DCAF7: variants seen among roughly 807,000 people sequenced by gnomAD.
The protein encoded by DCAF7 is DDB1- and CUL4-associated factor 7.
A neutral mutation model predicts 41.2 loss-of-function variants in DCAF7; 4 were observed. That is an observed-to-expected ratio of 0.10 (90% CI 0.05 to 0.22). The LOEUF (loss-of-function observed/expected upper bound fraction) is 0.22. Ranked by LOEUF, DCAF7 falls within the 10% of genes least tolerant of loss-of-function variation. The pLI is 1.00. For missense variants in DCAF7, 131 were observed against 443.2 expected (o/e 0.30, Z 6.32); for synonymous variants, 143 against 164.2 (o/e 0.87, Z 0.99).
chr17:63,582,826 G>A (rs2033638677), intron 4 of DCAF7, among the ~76,000 whole-genome samples: 1 of 152,166 alleles, frequency 6.6e-6, no homozygotes, highest in Non-Finnish European at 1.5e-5. Context: ...AGACGTTAGT[G>A]ATATGCAATG....
rs3817183 is a variant in DCAF7, at chr17:63,579,535, C to T, written c.409+87C>T. ...TCACACTGGGCCATACATCCTAGAACAAGGCTCAGTGGGAAGTAGGCTAGG... is the reference window on the plus strand; with the variant it reads ...TCACACTGGGCCATACATCCTAGAATAAGGCTCAGTGGGAAGTAGGCTAGG... On this transcript the variant is annotated intron_variant, in intron 3 of 6. Coordinates refer to ENST00000614556, the MANE Select transcript of DCAF7 (RefSeq NM_005828.5). The T allele has an allele frequency of 5.6e-4, 559 of 1,003,708 alleles. 6 individuals are homozygous for T. The East Asian group carries it at 0.014, about 25-fold the overall frequency. The allele number at this position is 1,003,708 out of a possible 1,614,324, so 62.2% of individuals were successfully genotyped here.
At position 63,565,349 on chromosome 17, in the gene DCAF7, C is replaced by T. The variant is rs145413377; in HGVS notation, c.139-13121C>T. Among the ~76,000 whole-genome samples the T allele has an allele frequency of 3.8e-4, 57 of 151,992 alleles. 1 individual carries two copies. Among genetic ancestry groups the T allele is most frequent in the Non-Finnish European group, 3.7e-4 (25 of 67,952 alleles). ...CAGCACTTTGGGAGGCTGAGGTGGGCGGATCACCTGGGGTTGGGAGTTGGA... is the reference window on the plus strand; with the variant it reads ...CAGCACTTTGGGAGGCTGAGGTGGGTGGATCACCTGGGGTTGGGAGTTGGA... On this transcript the variant is annotated intron_variant, in intron 1 of 6. Transcript: ENST00000614556.
intron 1 of DCAF7, among the ~76,000 whole-genome samples, chr17:63,561,199 A>G (rs1390405606): frequency 1.3e-5 from 2 of 152,178 alleles, no homozygotes; most frequent in Admixed American, 6.5e-5. Context: ...CGGGAGGCGG[A>G]GGTTGCAGTG....
chr17:63,587,342 CA>C lies in DCAF7; in HGVS notation c.857-1657del, dbSNP rs1462100757. ...TATTGCCCTCTTTTTTTTTTTTTCC[CA>C]GGGGTGTGGATAGGGAGGGATAGAA... is the stretch of plus-strand genomic sequence containing the variant. On this transcript the variant is annotated intron_variant, in intron 6 of 6. Coordinates refer to ENST00000614556, the MANE Select transcript of DCAF7 (RefSeq NM_005828.5). 4.6e-3 allele frequency among the ~76,000 whole-genome samples: 690 copies of C among 150,072 alleles called. 3 individuals are homozygous for C. Among genetic ancestry groups the C allele is most frequent in the African/African-American group, 0.016 (645 of 40,760 alleles).
At chr17:63,560,426 C>CTACCT (rs1222626299) in intron 1 of DCAF7, among the ~76,000 whole-genome samples, 1 of 152,140 alleles carries the variant, frequency 6.6e-6, no homozygotes, top group Admixed American at 6.5e-5. Context: ...ATAAATTATG[C>CTACCT]TACCTCCATG....
At chr17:63,572,463 A>G (rs1243573141) in intron 1 of DCAF7, among the ~76,000 whole-genome samples, 1 of 152,184 alleles carries the variant, frequency 6.6e-6, no homozygotes, top group Non-Finnish European at 1.5e-5. Context: ...ATATAAGGTA[A>G]GTTAGGGCTG....
chr17:63,588,281 G>T (rs1245829023), intron 6 of DCAF7, among the ~76,000 whole-genome samples: 1 of 146,108 alleles, frequency 6.8e-6, no homozygotes, highest in Non-Finnish European at 1.5e-5. Context: ...TCTGCCTCCC[G>T]AGTTAAAGCG....
At chr17:63,586,607 C>G (rs903149211) in intron 6 of DCAF7, among the ~76,000 whole-genome samples, 1 of 151,348 alleles carries the variant, frequency 6.6e-6, no homozygotes, top group African/African-American at 2.4e-5. Context: ...CTACTAAATA[C>G]AAAAATTAGC....
At chr17:63,583,298 T>C (rs1011548576) in intron 4 of DCAF7, among the ~76,000 whole-genome samples, 11 of 152,226 alleles carry the variant, frequency 7.2e-5, no homozygotes, top group Non-Finnish European at 4.4e-5. Flanking sequence ...AGCCAATTTC[T>C]ATAGCAGAAT....
intron 1 of DCAF7, among the ~76,000 whole-genome samples, chr17:63,560,102 A>T (rs2033364852): frequency 6.6e-6 from 1 of 152,156 alleles, no homozygotes; most frequent in Non-Finnish European, 1.5e-5. Context: ...CAGAAAGGAT[A>T]TGTAAATGAT....
At chr17:63,560,875 T>C (rs2147761772) in intron 1 of DCAF7, among the ~76,000 whole-genome samples, 1 of 152,366 alleles carries the variant, frequency 6.6e-6, no homozygotes, top group South Asian at 2.1e-4. Flanking sequence ...TCAGGCATGA[T>C]AATATTAACA....
intron 6 of DCAF7, among the ~76,000 whole-genome samples, chr17:63,585,615 T>C (rs2033668672): frequency 1.3e-5 from 2 of 152,246 alleles, no homozygotes. Context: ...CACAGAGGAC[T>C]CAATTCCAGG....
At position 63,579,387 on chromosome 17, in the gene DCAF7, C is replaced by T; in HGVS notation, c.348C>T (p.Asn116=). 1 of 1,610,320 alleles carries T rather than the reference C, an allele frequency of 6.2e-7. No homozygotes were observed. The highest frequency in any genetic ancestry group is 8.5e-7 in the Non-Finnish European group (1 of 1,178,322). Reference sequence around the variant, plus strand: ...AGTGTTTGCTAAACAATAATAAGAACTCTGATTTCTGTGCTCCCCTGACCT... The same window carrying T: ...AGTGTTTGCTAAACAATAATAAGAATTCTGATTTCTGTGCTCCCCTGACCT... ...RLECLLNNNK[N]SDFCAPLTSF... The change falls in exon 3 of 7, where the codon AAC becomes AAT. Residue 116 remains asparagine (N), a synonymous_variant. Coordinates refer to ENST00000614556, the MANE Select transcript of DCAF7 (RefSeq NM_005828.5).
chr17:63,572,791 C>T (rs913187063), intron 1 of DCAF7, among the ~76,000 whole-genome samples: 3 of 152,160 alleles, frequency 2.0e-5, no homozygotes. Flanking sequence ...GAGACAAGGC[C>T]TCGCTCTGTT....
At position 63,592,491 on chromosome 17, in the gene DCAF7, A is replaced by C. The variant is rs925636060; in HGVS notation, c.*3319A>C. 2.0e-5 allele frequency: 3 copies of C among 152,252 alleles called. No individual in the cohort carries two copies. The highest frequency in any genetic ancestry group is 4.4e-5 in the Non-Finnish European group (3 of 68,046). 9.4% of individuals were successfully genotyped at this position (152,252 alleles called of 1,614,324 possible). On this transcript the variant is annotated 3_prime_UTR_variant, in exon 7 of 7. Coordinates refer to ENST00000614556, the MANE Select transcript of DCAF7 (RefSeq NM_005828.5). ...GAGAACTGGCTAAGATTCAGGAAGA[A>C]ACAAAAAATTCAGAATCCTACAAGG...
chr17:63,580,334 G>C (rs1234807677), intron 4 of DCAF7, among the ~76,000 whole-genome samples: 1 of 152,070 alleles, frequency 6.6e-6, no homozygotes, highest in African/African-American at 2.4e-5. Flanking sequence ...AATTTTCTGA[G>C]AGACAAACGT....
At chr17:63,575,913 G>C (rs1457062077) in intron 1 of DCAF7, among the ~76,000 whole-genome samples, 3 of 152,148 alleles carry the variant, frequency 2.0e-5, no homozygotes, top group Non-Finnish European at 4.4e-5. Flanking sequence ...TGAAACAGAA[G>C]AACAAAGTTG....
chr17:63,581,977 C>G (rs550806695), intron 4 of DCAF7, among the ~76,000 whole-genome samples: 2 of 152,276 alleles, frequency 1.3e-5, no homozygotes, highest in African/African-American at 4.8e-5. Context: ...TCACTTAGAG[C>G]CGAGAGAGCA....
At chr17:63,552,486 C>CT (rs1464700204) in intron 1 of DCAF7, 12 of 152,218 alleles carry the variant, frequency 7.9e-5, no homozygotes, top group African/African-American at 2.9e-4. Flanking sequence ...TCTGTTGCTT[C>CT]TTTCTTCCTT....
Sources: gnomAD v4.1 joint callset for allele counts (sites outside exome capture counted in the v4.1 genomes callset) on GRCh38, gnomAD v4.1.1 for gene constraint, MANE v1.5 for transcripts, NCBI Gene and HGNC (gene_info 2026-07-23, HGNC 2026-07-21) for gene names.